Variants in ZNF493 observed in about 807,000 individuals in gnomAD.
ZNF493 encodes zinc finger protein 493.
ZNF493 carries 11 observed loss-of-function variants against 12.2 expected under a neutral mutation model. The ratio of observed to expected loss-of-function variants is 0.90; its 90% confidence interval spans 0.57 to 1.50. The LOEUF is 1.50. ZNF493 is among the 40% of genes most tolerant of loss of function. The pLI is 0.00. For missense variants in ZNF493, 950 were observed against 906.6 expected (o/e 1.05, Z -0.61); for synonymous variants, 286 against 302.6 (o/e 0.95, Z 0.57).
chr19:21,402,447 T>C (rs1279091997), intron 1 of ZNF493, among the ~76,000 whole-genome samples: 2 of 152,134 alleles, frequency 1.3e-5, no homozygotes, highest in African/African-American at 2.4e-5. Flanking sequence ...TCCTTTTAGG[T>C]AGACATATTA....
At chr19:21,398,380 T>A (rs891462912) in intron 1 of ZNF493, 1 of 174,208 alleles carries the variant, frequency 5.7e-6, no homozygotes, top group African/African-American at 2.4e-5. Context: ...TTGTAGTAAA[T>A]CTCTGTCTCT....
chr19:21,425,986 A>C lies in ZNF493; in HGVS notation c.*1002A>C. ...TTAACCAGTCCTCAATTTTTACTAA[A>C]CATAAGAAAATTCATACTGGAGAGA... On this transcript the variant is annotated 3_prime_UTR_variant, in exon 4 of 4. Transcript: ENST00000392288. The C allele has an allele frequency of 1.5e-6, 1 of 652,522 alleles. No homozygotes were observed. The highest frequency in any genetic ancestry group is 2.1e-5 in the Admixed American group (1 of 48,028). 40.4% of individuals were successfully genotyped at this position (652,522 alleles called of 1,614,324 possible). A position where few individuals can be genotyped will look rare whatever the true frequency, so the allele number is the denominator to read the frequency against.
intron 3 of ZNF493, among the ~76,000 whole-genome samples, chr19:21,406,180 C>G (rs2030119707): frequency 2.0e-5 from 3 of 151,834 alleles, no homozygotes; most frequent in Non-Finnish European, 2.9e-5. Flanking sequence ...CAAGATGGTG[C>G]CACTGCACTC....
At position 21,423,423 on chromosome 19, in the gene ZNF493, A is replaced by C. The variant is rs187905305; in HGVS notation, c.764A>C (p.His255Pro). ...AACCAGGACTCAAACCTTACTACAC[A>C]TAAGAGAATTCATACTGGACAGAAA... is the stretch of plus-strand genomic sequence containing the variant. ...SFNQDSNLTT[H>P]KRIHTGQKPY... is the part of the protein sequence containing the mutation. The change falls in exon 4 of 4, where the codon CAT becomes CCT. Residue 255 changes from histidine (H) to proline (P), a missense_variant. Transcript: ENST00000392288. 117 of 1,613,774 alleles carry C rather than the reference A, an allele frequency of 7.3e-5. No individual in the cohort carries two copies. The highest frequency in any genetic ancestry group is 6.5e-4 in the Admixed American group (39 of 59,978).
At position 21,425,788 on chromosome 19, in the gene ZNF493, G is replaced by A; in HGVS notation, c.*804G>A. 1.7e-6 allele frequency: 1 copy of A among 578,164 alleles called. No homozygotes were observed. Among genetic ancestry groups the A allele is most frequent in the African/African-American group, 1.9e-5 (1 of 52,822 alleles). 35.8% of individuals were successfully genotyped at this position (578,164 alleles called of 1,614,324 possible). A position where few individuals can be genotyped will look rare whatever the true frequency, so the allele number is the denominator to read the frequency against. On this transcript the variant is annotated 3_prime_UTR_variant, in exon 4 of 4. Transcript: ENST00000392288. Reference sequence around the variant, plus strand: ...GAAAAATCTTACAAATGTGAAGAATGTGGCAAAGCCTTTATCCAGTCCTCA... The same window carrying A: ...GAAAAATCTTACAAATGTGAAGAATATGGCAAAGCCTTTATCCAGTCCTCA...
At chr19:21,422,162 TAATACTC>T (rs2030697600) in intron 3 of ZNF493, among the ~76,000 whole-genome samples, 2 of 152,236 alleles carry the variant, frequency 1.3e-5, no homozygotes, top group Admixed American at 6.5e-5. Flanking sequence ...TCTTTTTTCT[TAATACTC>T]AGTAATCACT....
In ZNF493 at chr19:21,423,206, A is replaced by C; in HGVS notation, c.547A>C (p.Lys183Gln). 6.2e-7 allele frequency: 1 copy of C among 1,613,816 alleles called. No individual in the cohort carries two copies. The highest frequency in any genetic ancestry group is 8.5e-7 in the Non-Finnish European group (1 of 1,179,848). ...AAAACATACTGGAAAGAAACCTTTC[A>C]AATGTAAAAAATGTGGCAAATCATT... ...NTKHTGKKPF[K>Q]CKKCGKSFCM... The change falls in exon 4 of 4, where the codon AAA becomes CAA. Residue 183 changes from lysine to glutamine, a missense_variant. Coordinates refer to ENST00000392288, the MANE Select transcript of ZNF493 (RefSeq NM_001076678.3).
At chr19:21,408,349 C>T (rs1018588248) in intron 3 of ZNF493, 25 of 780,846 alleles carry the variant, frequency 3.2e-5, no homozygotes, top group South Asian at 5.9e-5. Context: ...AGCTGGGTCT[C>T]GAACTCCTGA....
rs2030831781 is a variant in ZNF493 at position 21,425,475 on chromosome 19, T to A, written c.*491T>A. 8.7e-6 allele frequency: 4 copies of A among 462,108 alleles called. No homozygotes were observed. The highest frequency in any genetic ancestry group is 2.0e-5 in the African/African-American group (1 of 49,354). The allele number at this position is 462,108 out of a possible 1,614,324, so 28.6% of individuals were successfully genotyped here. On this transcript the variant is annotated 3_prime_UTR_variant, in exon 4 of 4. Coordinates refer to ENST00000392288, the MANE Select transcript of ZNF493 (RefSeq NM_001076678.3). The stretch of plus-strand genomic sequence containing the variant: ...ATGTGGCAAAGCTTTTAACAAATCC[T>A]CATCCATTAGTAAACATAAGATAAT...
intron 3 of ZNF493, among the ~76,000 whole-genome samples, chr19:21,409,019 G>A (rs1479439625): frequency 6.6e-6 from 1 of 151,584 alleles, no homozygotes; most frequent in Non-Finnish European, 1.5e-5. Flanking sequence ...CAAGTAGCTG[G>A]GACTACAGGC....
chr19:21,400,485 T>C (rs1445333507), intron 1 of ZNF493, among the ~76,000 whole-genome samples: 2 of 152,214 alleles, frequency 1.3e-5, no homozygotes, highest in Admixed American at 6.5e-5. Flanking sequence ...TGCTGAATTT[T>C]TTAAATACTT....
chr19:21,403,547 A>G (rs1227085203), intron 1 of ZNF493, among the ~76,000 whole-genome samples: 2 of 152,152 alleles, frequency 1.3e-5, no homozygotes, highest in Admixed American at 6.6e-5. Context: ...CTAGCAGGTA[A>G]ATAGGTGGTG....
At chr19:21,412,741 TG>T (rs1434787568) in intron 3 of ZNF493, 1 of 268,038 alleles carries the variant, frequency 3.7e-6, no homozygotes, top group Admixed American at 5.0e-5. Context: ...CTCCAGTTCT[TG>T]GCATTAACAT....
At chr19:21,412,392 C>T (rs1192314562) in intron 3 of ZNF493, 2 of 152,502 alleles carry the variant, frequency 1.3e-5, no homozygotes, top group Non-Finnish European at 2.9e-5. Context: ...TCCTTGCCCT[C>T]ATTCCGGTAA....
At chr19:21,403,177 G>T (rs2030002629) in intron 1 of ZNF493, among the ~76,000 whole-genome samples, 1 of 152,214 alleles carries the variant, frequency 6.6e-6, no homozygotes, top group South Asian at 2.1e-4. Flanking sequence ...TCTGTGTATT[G>T]TTCTAGGTGA....
At chr19:21,408,232 T>C in intron 3 of ZNF493, 2 of 780,962 alleles carry the variant, frequency 2.6e-6, no homozygotes, top group Non-Finnish European at 3.1e-6. Flanking sequence ...TTCAAGCGAT[T>C]CTCCTACCTC....
rs1599731268 is a variant in ZNF493 at position 21,405,816 on chromosome 19, C to T, written c.213C>T (p.Pro71=). 1.3e-6 allele frequency: 2 copies of T among 1,589,038 alleles called. No homozygotes were observed. Among genetic ancestry groups the T allele is most frequent in the East Asian group, 4.6e-5 (2 of 43,044 alleles). The change falls in exon 3 of 4, where the codon CCC becomes CCT. Residue 71 remains proline (P), a synonymous_variant. Transcript: ENST00000392288. ...CCTGTCTGGAGCAAGGAAAAGATCCCTGGAATATGAAGGGACACAGTACGG... is the reference window on the plus strand; with the variant it reads ...CCTGTCTGGAGCAAGGAAAAGATCCTTGGAATATGAAGGGACACAGTACGG... ...LVTCLEQGKD[P]WNMKGHSTVV...
At position 21,425,357 on chromosome 19, in the gene ZNF493, A is replaced by G; in HGVS notation, c.*373A>G. 2 of 413,996 alleles carry G rather than the reference A, an allele frequency of 4.8e-6. No homozygotes were observed. The highest frequency in any genetic ancestry group is 4.7e-5 in the South Asian group (2 of 42,836). 25.6% of individuals were successfully genotyped at this position (413,996 alleles called of 1,614,324 possible). ...TTCATACTGGAAGGAAACCCTACAA[A>G]TATGAGGAATGTCTCAAAGCTTTTT... On this transcript the variant is annotated 3_prime_UTR_variant, in exon 4 of 4. Coordinates refer to ENST00000392288, the MANE Select transcript of ZNF493 (RefSeq NM_001076678.3).
chr19:21,418,723 T>C (rs545234242), intron 3 of ZNF493, among the ~76,000 whole-genome samples: 3 of 152,212 alleles, frequency 2.0e-5, no homozygotes, highest in Non-Finnish European at 4.4e-5. Flanking sequence ...TCTAGAGATA[T>C]TAGATTAACT....
Sources: gnomAD v4.1 joint callset for allele counts (sites outside exome capture counted in the v4.1 genomes callset) on GRCh38, gnomAD v4.1.1 for gene constraint, MANE v1.5 for transcripts, NCBI Gene and HGNC (gene_info 2026-07-23, HGNC 2026-07-21) for gene names.